GPR55: variants seen among roughly 807,000 people sequenced by gnomAD.
The protein encoded by GPR55 is G protein-coupled receptor 55.
Under a neutral mutation model 7.9 loss-of-function variants are expected in GPR55, and 6 were observed. That is an observed-to-expected ratio of 0.76 (90% CI 0.41 to 1.49). The LOEUF (loss-of-function observed/expected upper bound fraction) is 1.49, where lower values mean the gene tolerates loss of function less well. GPR55 is among the 40% of genes most tolerant of loss of function. The pLI, the probability that GPR55 is intolerant of heterozygous loss-of-function variation, is 0.01. For synonymous variants in GPR55, 183 were observed against 166.8 expected (o/e 1.10, Z -0.75); for missense variants, 376 against 406.0 (o/e 0.93, Z 0.63).
chr2:230,929,944 G>A (rs1278765383), upstream of GPR55: 2 of 152,228 alleles, frequency 1.3e-5, no homozygotes, highest in Non-Finnish European at 1.5e-5. Flanking sequence ...TCTCATCCAG[G>A]TCCTCCTGAG....
intron 1 of GPR55, among the ~76,000 whole-genome samples, chr2:230,916,394 C>T (rs543950676): frequency 3.3e-5 from 5 of 151,876 alleles, no homozygotes; most frequent in South Asian, 2.1e-4. Flanking sequence ...CATGGTGGCT[C>T]GTGCCTGTGG....
At chr2:230,915,365 T>C (rs1690685166) in intron 1 of GPR55, among the ~76,000 whole-genome samples, 1 of 152,242 alleles carries the variant, frequency 6.6e-6, no homozygotes, top group South Asian at 2.1e-4. Context: ...ATCTGTGGAG[T>C]GCTGCCTTTC....
intron 1 of GPR55, among the ~76,000 whole-genome samples, chr2:230,918,604 A>G (rs1445632124): frequency 6.6e-6 from 1 of 152,212 alleles, no homozygotes; most frequent in East Asian, 1.9e-4. Context: ...AACTCAGCAC[A>G]AAAGAGACAG....
chr2:230,948,041 G>A (rs1157003927), intron 1 of GPR55, among the ~76,000 whole-genome samples: 1 of 152,168 alleles, frequency 6.6e-6, no homozygotes, highest in African/African-American at 2.4e-5. Flanking sequence ...TGTGACATGG[G>A]TGTGGCCACT....
At chr2:230,918,871 G>A (rs1234635951) in intron 1 of GPR55, among the ~76,000 whole-genome samples, 1 of 152,128 alleles carries the variant, frequency 6.6e-6, no homozygotes, top group Non-Finnish European at 1.5e-5. Flanking sequence ...CTTACAAAGA[G>A]TAAATTGCTC....
chr2:230,955,503 G>A (rs1359511644), intron 1 of GPR55, among the ~76,000 whole-genome samples: 1 of 152,204 alleles, frequency 6.6e-6, no homozygotes, highest in African/African-American at 2.4e-5. Context: ...TCTCCAGCCT[G>A]TTAAGACAGT....
upstream of GPR55, among the ~76,000 whole-genome samples, chr2:230,928,778 G>T (rs1690985397): frequency 6.6e-6 from 1 of 152,168 alleles, no homozygotes; most frequent in African/African-American, 2.4e-5. Flanking sequence ...CCCCAACAGA[G>T]AGAGGAAGGC....
chr2:230,910,734 G>A lies in GPR55; in HGVS notation c.229C>T (p.Leu77Phe). ...TGGGACAGGACCATCTTGAATGGGA[G>A]GGAGAGCACCAGCAGCAGGTCAAAG... ...AVFDLLLVLS[L>F]PFKMVLSQVQ... Residue 77 changes from leucine to phenylalanine, a missense_variant, in exon 2 of 2, where the codon CTC becomes TTC. Physicochemically the swap from Leu to Phe is conservative, Grantham distance 22 (BLOSUM62 0). Coordinates refer to ENST00000650999, the MANE Select transcript of GPR55 (RefSeq NM_005683.4). The surrounding 1 kb of genome is among the most constrained non-coding windows in gnomAD (Gnocchi z 5.4). 6.2e-7 allele frequency: 1 copy of A among 1,614,094 alleles called. No homozygotes were observed. The highest frequency in any genetic ancestry group is 8.5e-7 in the Non-Finnish European group (1 of 1,179,934).
At chr2:230,935,598 AT>A (rs1691120699) in intron 1 of GPR55, among the ~76,000 whole-genome samples, 1 of 152,134 alleles carries the variant, frequency 6.6e-6, no homozygotes, top group African/African-American at 2.4e-5. Flanking sequence ...AGAGATTCAC[AT>A]GTGCATGCCC....
upstream of GPR55, among the ~76,000 whole-genome samples, chr2:230,927,628 T>C (rs1373201757): frequency 6.6e-6 from 1 of 152,200 alleles, no homozygotes; most frequent in Non-Finnish European, 1.5e-5. Flanking sequence ...CTGCCTGTCT[T>C]CCAGGCTGGG....
At chr2:230,920,900 C>G (rs570735868) in intron 1 of GPR55, among the ~76,000 whole-genome samples, 1 of 151,970 alleles carries the variant, frequency 6.6e-6, no homozygotes, top group African/African-American at 2.4e-5. Context: ...TCTATTAAAA[C>G]CAACCATCAA....
Position 230,910,931 on chromosome 2 carries a change from A to T in GPR55, c.32T>A (p.Leu11Gln). 1 of 1,608,320 alleles carries T rather than the reference A, an allele frequency of 6.2e-7. No homozygotes were observed. Among genetic ancestry groups the T allele is most frequent in the Non-Finnish European group, 8.5e-7 (1 of 1,175,324 alleles). The change falls in exon 2 of 2, where the codon CTG becomes CAG. Residue 11 changes from leucine (L) to glutamine (Q), a missense_variant. Coordinates refer to ENST00000650999, the MANE Select transcript of GPR55 (RefSeq NM_005683.4). This position sits in a 1 kb window ranked among gnomAD's most constrained non-coding sequence, Gnocchi z 5.4. MSQQNTSGDC[L>Q]FDGVNELMKT... ...CATCAGCTCGTTGACACCGTCAAAC[A>T]GGCAGTCCCCACTGGTGTTTTGCTG... is the stretch of plus-strand genomic sequence containing the variant.
Position 230,909,517 on chromosome 2 carries a change from G to A in GPR55, c.*486C>T, listed in dbSNP as rs1003171920. 4.8e-5 allele frequency: 8 copies of A among 167,982 alleles called. No homozygotes were observed. Among genetic ancestry groups the A allele is most frequent in the Non-Finnish European group, 1.0e-4 (8 of 76,966 alleles). The allele number at this position is 167,982 out of a possible 1,614,324, so 10.4% of individuals were successfully genotyped here. A position where few individuals can be genotyped will look rare whatever the true frequency, so the allele number is the denominator to read the frequency against. On this transcript the variant is annotated 3_prime_UTR_variant, in exon 2 of 2. Transcript: ENST00000650999. ...GGACTGGAAAATGCAAGTCTGCTCT[G>A]TTCTGGGACACCCAAACTAAAAAGG...
rs1000753005 is a variant in GPR55, at chr2:230,908,919, G to A, written c.*1084C>T. ...CAAGGCCACACCCTTGTGCCTAGCT[G>A]CCTCATCTCCCTCCCAGCTGCCAGG... On this transcript the variant is annotated 3_prime_UTR_variant, in exon 2 of 2. Transcript: ENST00000650999. The A allele has an allele frequency of 6.6e-6, 1 of 152,268 alleles. No individual in the cohort carries two copies. Among genetic ancestry groups the A allele is most frequent in the African/African-American group, 2.4e-5 (1 of 41,448 alleles). The allele number at this position is 152,268 out of a possible 1,614,324, so 9.4% of individuals were successfully genotyped here.
At chr2:230,941,084 T>C (rs1691219663) in intron 1 of GPR55, among the ~76,000 whole-genome samples, 1 of 151,390 alleles carries the variant, frequency 6.6e-6, no homozygotes, top group East Asian at 1.9e-4. Flanking sequence ...ACCACTGCAC[T>C]CCAGCCCGGG....
chr2:230,947,423 T>A (rs1313038793), intron 1 of GPR55, among the ~76,000 whole-genome samples: 1 of 152,042 alleles, frequency 6.6e-6, no homozygotes, highest in African/African-American at 2.4e-5. Flanking sequence ...GGACCCTGGT[T>A]ACATTTTTAG....
chr2:230,927,894 CA>C (rs1690970097), upstream of GPR55, among the ~76,000 whole-genome samples: 1 of 152,208 alleles, frequency 6.6e-6, no homozygotes, highest in Admixed American at 6.5e-5. Context: ...ACCTGCCCAC[CA>C]GGGGGTTTGC....
chr2:230,927,131 T>C (rs1328258319), upstream of GPR55, among the ~76,000 whole-genome samples: 1 of 152,168 alleles, frequency 6.6e-6, no homozygotes, highest in Non-Finnish European at 1.5e-5. Flanking sequence ...TCTGTCCCAC[T>C]CCTAAATCCA....
At chr2:230,911,166 A>T in intron 1 of GPR55, 70 bp from the exon 2 acceptor site, 1 of 583,264 alleles carries the variant, frequency 1.7e-6, no homozygotes, top group South Asian at 2.5e-5. Flanking sequence ...CTTTTTGTGT[A>T]TATCATTCCA....
Sources: allele counts gnomAD v4.1 joint callset (sites outside exome capture counted in the v4.1 genomes callset), GRCh38; gene constraint gnomAD v4.1.1; non-coding constraint Gnocchi (gnomAD v3.1); transcripts MANE v1.5; gene names NCBI Gene and HGNC (gene_info 2026-07-23, HGNC 2026-07-21).